Variants in KHDRBS2 observed in about 807,000 individuals in gnomAD.
The protein encoded by KHDRBS2 is KH RNA binding domain containing, signal transduction associated 2.
In KHDRBS2, 26 loss-of-function variants were observed where a neutral mutation model predicts 44.3. The ratio of observed to expected loss-of-function variants is 0.59; its 90% CI spans 0.43 to 0.81. The LOEUF (loss-of-function observed/expected upper bound fraction) is 0.81. Among genes scored for constraint, KHDRBS2 ranks in the 40% least tolerant of loss-of-function variants. KHDRBS2 has a pLI of 0.00. For synonymous variants in KHDRBS2, 194 were observed against 151.1 expected (o/e 1.28, Z -2.08); for missense variants, 476 against 433.1 (o/e 1.10, Z -0.88).
the KHDRBS2 span, among the ~76,000 whole-genome samples, chr6:61,553,272 T>G: frequency 1.3e-5 from 2 of 152,278 alleles, no homozygotes; most frequent in African/African-American, 4.8e-5. Context: ...TATCCTACAT[T>G]TTTTCATTTG....
At chr6:61,713,070 T>C (rs1011118876) in intron 7 of KHDRBS2, among the ~76,000 whole-genome samples, 2 of 151,456 alleles carry the variant, frequency 1.3e-5, no homozygotes, top group African/African-American at 4.8e-5. Flanking sequence ...TACAATAATA[T>C]TAATATATAT....
rs1821254732 is a variant in KHDRBS2, at chr6:62,177,107, A to G, written c.219+78T>C. ...TGAAGCTTCAAATATTTATTTTATA[A>G]AAGTGAATAATTAAAATACCGTCTT... On this transcript the variant is annotated intron_variant, in intron 2 of 8. Coordinates refer to ENST00000281156, the MANE Select transcript of KHDRBS2 (RefSeq NM_152688.4). 5.8e-6 allele frequency: 5 copies of G among 866,204 alleles called. No individual in the cohort carries two copies. In the East Asian group the frequency reaches 1.1e-4, roughly 19 times the overall value. 53.7% of individuals were successfully genotyped at this position (866,204 alleles called of 1,614,324 possible). A position where few individuals can be genotyped will look rare whatever the true frequency, so the allele number is the denominator to read the frequency against.
At chr6:61,946,933 C>T (rs1226590044) in intron 4 of KHDRBS2, among the ~76,000 whole-genome samples, 2 of 152,140 alleles carry the variant, frequency 1.3e-5, no homozygotes, top group Non-Finnish European at 1.5e-5. Context: ...ATTCAGCGGT[C>T]GTCCTTCCTT....
At chr6:62,008,868 A>T (rs866792726) in intron 3 of KHDRBS2, among the ~76,000 whole-genome samples, 4 of 152,178 alleles carry the variant, frequency 2.6e-5, no homozygotes, top group Non-Finnish European at 4.4e-5. Flanking sequence ...GCCACGTGGA[A>T]CTGTAAGTCC....
chr6:62,278,433 C>A (rs1441937443), intron 1 of KHDRBS2, among the ~76,000 whole-genome samples: 1 of 151,972 alleles, frequency 6.6e-6, no homozygotes, highest in Non-Finnish European at 1.5e-5. Flanking sequence ...AGGTACCAGG[C>A]CATAAAAAAA....
rs1027253326 is a variant in KHDRBS2 at position 62,062,420 on chromosome 6, C to A, written c.220-14426G>T. ...AAATGTAAAAGAACAGAAATTATAACAAACTATCTCTCAGACCACAGTGCA... is the reference window on the plus strand; with the variant it reads ...AAATGTAAAAGAACAGAAATTATAAAAAACTATCTCTCAGACCACAGTGCA... On this transcript the variant is annotated intron_variant, in intron 2 of 8. Coordinates refer to ENST00000281156, the MANE Select transcript of KHDRBS2 (RefSeq NM_152688.4). 5.2e-4 allele frequency among the ~76,000 whole-genome samples: 78 copies of A among 149,962 alleles called. No individual in the cohort carries two copies. The Middle Eastern group carries it at 0.01, about 20-fold the overall frequency.
At chr6:62,225,664 T>G (rs980397464) in intron 1 of KHDRBS2, among the ~76,000 whole-genome samples, 1 of 152,164 alleles carries the variant, frequency 6.6e-6, no homozygotes, top group African/African-American at 2.4e-5. Context: ...CATTAGCTAT[T>G]TTTTGTAATG....
intron 4 of KHDRBS2, among the ~76,000 whole-genome samples, chr6:61,958,542 T>C (rs1406817653): frequency 6.6e-6 from 1 of 152,214 alleles, no homozygotes; most frequent in Non-Finnish European, 1.5e-5. Context: ...CCAACAGTGA[T>C]ATTTCTCTGT....
At chr6:61,920,687 T>A (rs1807919253) in intron 4 of KHDRBS2, among the ~76,000 whole-genome samples, 1 of 151,964 alleles carries the variant, frequency 6.6e-6, no homozygotes, top group African/African-American at 2.4e-5. Flanking sequence ...GGCAAATAGT[T>A]GAGTCAGAAG....
rs1001589505 is a variant in KHDRBS2 at position 62,077,357 on chromosome 6, C to G, written c.220-29363G>C. 4.6e-5 allele frequency among the ~76,000 whole-genome samples: 7 copies of G among 152,028 alleles called. No individual in the cohort carries two copies. The East Asian group carries it at 1.2e-3, about 25-fold the overall frequency. On this transcript the variant is annotated intron_variant, in intron 2 of 8. Transcript: ENST00000281156. ...GATGGGAGGGAAGCTGCCCTTCCCA[C>G]ATCAGCCTTGTTGTACAGCTAATGC...
At chr6:62,173,086 C>T (rs1476901056) in intron 2 of KHDRBS2, among the ~76,000 whole-genome samples, 1 of 151,548 alleles carries the variant, frequency 6.6e-6, no homozygotes, top group East Asian at 1.9e-4. Context: ...ATAAACAAAA[C>T]CAGGCCTGAA....
At chr6:61,831,811 G>T (rs556445267) in intron 6 of KHDRBS2, among the ~76,000 whole-genome samples, 1 of 151,994 alleles carries the variant, frequency 6.6e-6, no homozygotes, top group Non-Finnish European at 1.5e-5. Context: ...ATAACTTAAG[G>T]AACAATTTAA....
chr6:61,901,176 A>G, intron 5 of KHDRBS2, 68 bp downstream of exon 5: 2 of 1,484,146 alleles, frequency 1.3e-6, no homozygotes, highest in Non-Finnish European at 1.8e-6. Flanking sequence ...AGTGATAATC[A>G]TGACATAAAG....
chr6:61,910,936 G>A (rs1805941910), intron 4 of KHDRBS2, among the ~76,000 whole-genome samples: 1 of 152,104 alleles, frequency 6.6e-6, no homozygotes, highest in Non-Finnish European at 1.5e-5. Context: ...TTCATTTAAA[G>A]TCAAAATAGG....
intron 2 of KHDRBS2, among the ~76,000 whole-genome samples, chr6:62,052,978 T>C (rs1789413173): frequency 6.6e-6 from 1 of 151,984 alleles, no homozygotes; most frequent in Non-Finnish European, 1.5e-5. Flanking sequence ...CCTAAGTAGA[T>C]TTTGGCTGCA....
intron 3 of KHDRBS2, among the ~76,000 whole-genome samples, chr6:62,011,668 C>A (rs1417069699): frequency 6.6e-6 from 1 of 152,060 alleles, no homozygotes; most frequent in East Asian, 1.9e-4. Context: ...TTCCTTATTT[C>A]TAAGGTCTTG....
chr6:61,605,744 C>T, the KHDRBS2 span, among the ~76,000 whole-genome samples: 1 of 152,122 alleles, frequency 6.6e-6, no homozygotes, highest in Non-Finnish European at 1.5e-5. Context: ...TCTCTCCATA[C>T]CATCTGCAAA....
the KHDRBS2 span, among the ~76,000 whole-genome samples, chr6:61,666,566 CAGACCCTG>C: frequency 6.6e-6 from 1 of 151,280 alleles, no homozygotes; most frequent in Non-Finnish European, 1.5e-5. Context: ...CTGAGTACAC[CAGACCCTG>C]AAGTGTACAG....
chr6:61,954,735 CATATGTGTATATACACAT>C lies in KHDRBS2; in HGVS notation c.483+23313_483+23330del, dbSNP rs1562512318. Among the ~76,000 whole-genome samples, 11 of 83,410 alleles carry C rather than the reference CATATGTGTATATACACAT, an allele frequency of 1.3e-4. 2 individuals carry two copies. Among genetic ancestry groups the C allele is most frequent in the Admixed American group, 2.3e-4 (2 of 8,588 alleles). The allele number at this position is 83,410 out of a possible 152,430, so 54.7% of individuals were successfully genotyped here. On this transcript the variant is annotated intron_variant, in intron 4 of 8. Transcript: ENST00000281156. ...ACACATGCATACTTATGTATACATA[CATATGTGTATATACACAT>C]GCATATGTATGTATACATACATATG...
Sources: allele counts gnomAD v4.1 joint callset (sites outside exome capture counted in the v4.1 genomes callset), GRCh38; gene constraint gnomAD v4.1.1; transcripts MANE v1.5; gene names NCBI Gene and HGNC (gene_info 2026-07-23, HGNC 2026-07-21).